Variants in MCTP1 observed in about 807,000 individuals in gnomAD.
MCTP1 encodes the protein multiple C2 and transmembrane domain containing 1, also known as multiple C2 and transmembrane domain-containing protein 1.
In MCTP1, 69 loss-of-function variants were observed where a neutral mutation model predicts 120.6. That is an observed-to-expected ratio of 0.57 (90% confidence interval 0.47 to 0.70). MCTP1 has a LOEUF of 0.70. Ranked by LOEUF, MCTP1 falls within the 30% of genes least tolerant of loss-of-function variation. The pLI is 0.00. For synonymous variants in MCTP1, 529 were observed against 493.1 expected (o/e 1.07, Z -0.96); for missense variants, 1,203 against 1,248.8 (o/e 0.96, Z 0.55).
chr5:94,812,889 A>G (rs1445861464), intron 17 of MCTP1, among the ~76,000 whole-genome samples: 1 of 136,836 alleles, frequency 7.3e-6, no homozygotes, highest in Non-Finnish European at 1.7e-5. Context: ...ACACAACACC[A>G]AAAGCATTCT....
rs1033203931 is a variant in MCTP1 at position 94,982,922 on chromosome 5, G to A, written c.839-29561C>T. On this transcript the variant is annotated intron_variant, in intron 2 of 22. Transcript: ENST00000515393. Reference sequence around the variant, plus strand: ...AAAAAAAAAAAAAAAAAGATGGTCAGGGTGGACCTAATTTTATCCCATTTT... The same window carrying A: ...AAAAAAAAAAAAAAAAAGATGGTCAAGGTGGACCTAATTTTATCCCATTTT... Among the ~76,000 whole-genome samples the A allele has an allele frequency of 2.9e-5, 3 of 102,552 alleles. No homozygotes were observed. In the Admixed American group the frequency reaches 3.0e-4, roughly 10 times the overall value. The allele number at this position is 102,552 out of a possible 152,430, so 67.3% of individuals were successfully genotyped here.
chr5:94,998,491 A>G (rs1227226267), intron 2 of MCTP1, among the ~76,000 whole-genome samples: 1 of 151,816 alleles, frequency 6.6e-6, no homozygotes, highest in Non-Finnish European at 1.5e-5. Flanking sequence ...ATTCTGGTAG[A>G]CCGCCTGACA....
At chr5:95,256,841 T>A (rs1047410013) in intron 1 of MCTP1, among the ~76,000 whole-genome samples, 8 of 152,194 alleles carry the variant, frequency 5.3e-5, no homozygotes, top group African/African-American at 1.9e-4. Context: ...CATTTACATG[T>A]TGACTTTTCA....
chr5:94,798,766 T>C (rs1780591316), intron 18 of MCTP1, among the ~76,000 whole-genome samples: 1 of 152,186 alleles, frequency 6.6e-6, no homozygotes, highest in South Asian at 2.1e-4. Flanking sequence ...TTGAAAATCA[T>C]AGCTCATTCT....
At chr5:94,715,175 A>AAGAG (rs1270292162) in intron 19 of MCTP1, among the ~76,000 whole-genome samples, 1 of 151,816 alleles carries the variant, frequency 6.6e-6, no homozygotes, top group Non-Finnish European at 1.5e-5. Context: ...AGGAAGGTAT[A>AAGAG]AGAGAGAGGG....
At chr5:94,886,907 A>T (rs1436362299) in intron 12 of MCTP1, among the ~76,000 whole-genome samples, 6 of 152,200 alleles carry the variant, frequency 3.9e-5, no homozygotes, top group Admixed American at 3.9e-4. Flanking sequence ...TATCCTTTTC[A>T]AAAGTAAAAA....
At position 95,148,189 on chromosome 5, in the gene MCTP1, C is replaced by T. The variant is rs554016657; in HGVS notation, c.721-130705G>A. Among the ~76,000 whole-genome samples, 3 of 152,206 alleles carry T rather than the reference C, an allele frequency of 2.0e-5. No individual in the cohort carries two copies. The South Asian group carries it at 6.2e-4, about 32-fold the overall frequency. On this transcript the variant is annotated intron_variant, in intron 1 of 22. Coordinates refer to ENST00000515393, the MANE Select transcript of MCTP1 (RefSeq NM_024717.7). ...TGACTATGTGCTTGGGGATGATTGT[C>T]TTGTATAGTATCTCATAGGGGGTCT...
At chr5:94,816,610 C>G (rs1280355921) in intron 17 of MCTP1, among the ~76,000 whole-genome samples, 3 of 151,760 alleles carry the variant, frequency 2.0e-5, no homozygotes, top group Non-Finnish European at 2.9e-5. Flanking sequence ...AACTTTTTTC[C>G]CCTTTATCAA....
At chr5:95,135,276 A>T (rs1334198899) in intron 1 of MCTP1, among the ~76,000 whole-genome samples, 1 of 152,160 alleles carries the variant, frequency 6.6e-6, no homozygotes, top group East Asian at 1.9e-4. Context: ...ACAAATCACA[A>T]AGAAAGAAAG....
Position 94,783,557 on chromosome 5 carries a change from A to G in MCTP1, c.2557-4394T>C, listed in dbSNP as rs192459606. On this transcript the variant is annotated intron_variant, in intron 18 of 22. Transcript: ENST00000515393. ...TATTATTCTCCCGGAACAAAAATGTATAAGAGAGGTGACCAGAAGGATGCA... is the reference window on the plus strand; with the variant it reads ...TATTATTCTCCCGGAACAAAAATGTGTAAGAGAGGTGACCAGAAGGATGCA... Among the ~76,000 whole-genome samples the G allele has an allele frequency of 5.3e-5, 8 of 152,204 alleles. No individual in the cohort carries two copies. The East Asian group carries it at 1.5e-3, about 29-fold the overall frequency.
At chr5:94,989,565 T>A (rs1420826931) in intron 2 of MCTP1, among the ~76,000 whole-genome samples, 4 of 152,184 alleles carry the variant, frequency 2.6e-5, no homozygotes, top group African/African-American at 9.7e-5. Context: ...TAGTCCCCAG[T>A]CTGACACAAA....
chr5:94,927,911 G>A (rs1259054077), intron 6 of MCTP1, among the ~76,000 whole-genome samples: 1 of 151,616 alleles, frequency 6.6e-6, no homozygotes, highest in African/African-American at 2.4e-5. Flanking sequence ...ATGCTAAGTG[G>A]TTATAATAAA....
At chr5:95,225,137 G>A (rs924012193) in intron 1 of MCTP1, among the ~76,000 whole-genome samples, 4 of 152,004 alleles carry the variant, frequency 2.6e-5, no homozygotes, top group Non-Finnish European at 4.4e-5. Flanking sequence ...TAGCTCATAG[G>A]TGTCTCATAC....
At chr5:94,906,336 A>G (rs1309827224) in intron 10 of MCTP1, among the ~76,000 whole-genome samples, 1 of 152,126 alleles carries the variant, frequency 6.6e-6, no homozygotes, top group Non-Finnish European at 1.5e-5. Context: ...AAATACAAAA[A>G]TTAGCCGGGC....
chr5:95,111,739 T>A (rs1757470563), intron 1 of MCTP1, among the ~76,000 whole-genome samples: 1 of 152,180 alleles, frequency 6.6e-6, no homozygotes, highest in South Asian at 2.1e-4. Flanking sequence ...TGAAATATAT[T>A]TTTTTCCAAA....
chr5:95,132,204 C>T (rs980034076), intron 1 of MCTP1, among the ~76,000 whole-genome samples: 4 of 152,192 alleles, frequency 2.6e-5, no homozygotes, highest in Admixed American at 1.3e-4. Flanking sequence ...AAGGGAGCCC[C>T]AGTAACATTC....
intron 1 of MCTP1, among the ~76,000 whole-genome samples, chr5:95,038,600 C>G (rs1352931288): frequency 6.6e-6 from 1 of 152,108 alleles, no homozygotes; most frequent in Non-Finnish European, 1.5e-5. Context: ...ACCTGACAAA[C>G]TACATCATGG....
intron 1 of MCTP1, among the ~76,000 whole-genome samples, chr5:95,246,233 G>T (rs1446565721): frequency 1.3e-5 from 2 of 152,162 alleles, no homozygotes; most frequent in Non-Finnish European, 2.9e-5. Flanking sequence ...ATGCCAAATT[G>T]TAAAGACCAT....
intron 1 of MCTP1, among the ~76,000 whole-genome samples, chr5:95,179,063 G>T (rs1748329954): frequency 6.6e-6 from 1 of 152,142 alleles, no homozygotes; most frequent in South Asian, 2.1e-4. Context: ...AGAATAAAAT[G>T]ATCAGAAGAA....
Sources: gnomAD v4.1 joint callset for allele counts (sites outside exome capture counted in the v4.1 genomes callset) on GRCh38, gnomAD v4.1.1 for gene constraint, MANE v1.5 for transcripts, NCBI Gene and HGNC (gene_info 2026-07-23, HGNC 2026-07-21) for gene names.